Variants in EPHA3 observed in about 807,000 individuals in gnomAD.
EPHA3 encodes the protein EPH receptor A3.
In EPHA3, 42 loss-of-function variants were observed where a neutral mutation model predicts 107.1. That is an observed-to-expected ratio of 0.39 (90% CI 0.31 to 0.51). The LOEUF is 0.51. EPHA3 is among the 20% of genes least tolerant of loss of function. The pLI is 0.78. For missense variants in EPHA3, 1,183 were observed against 1,211.2 expected (o/e 0.98, Z 0.35); for synonymous variants, 461 against 424.8 (o/e 1.09, Z -1.05).
chr3:89,304,509 C>T (rs549763721), intron 3 of EPHA3, among the ~76,000 whole-genome samples: 9 of 151,874 alleles, frequency 5.9e-5, no homozygotes, highest in Non-Finnish European at 1.3e-4. Context: ...CAAATATATC[C>T]TCACCTTTGG....
At chr3:89,206,573 CA>C (rs1706111492) in intron 2 of EPHA3, among the ~76,000 whole-genome samples, 1 of 152,040 alleles carries the variant, frequency 6.6e-6, no homozygotes, top group South Asian at 2.1e-4. Flanking sequence ...ATTGTAGAAC[CA>C]AGGTAATGTT....
chr3:89,392,807 G>T (rs1708772105), intron 5 of EPHA3, among the ~76,000 whole-genome samples: 1 of 151,842 alleles, frequency 6.6e-6, no homozygotes, highest in Non-Finnish European at 1.5e-5. Context: ...TTAATGAAAA[G>T]CATAATTTGT....
At chr3:89,455,826 A>G (rs1475958363) in intron 15 of EPHA3, among the ~76,000 whole-genome samples, 1 of 152,220 alleles carries the variant, frequency 6.6e-6, no homozygotes, top group African/African-American at 2.4e-5. Context: ...CACCAGTGAA[A>G]TAAAGTTTAA....
intron 3 of EPHA3, among the ~76,000 whole-genome samples, chr3:89,260,751 A>G (rs1401299375): frequency 1.3e-5 from 2 of 152,142 alleles, no homozygotes; most frequent in Non-Finnish European, 2.9e-5. Flanking sequence ...AGCTTGCTCT[A>G]TTGACAGAAC....
intron 5 of EPHA3, among the ~76,000 whole-genome samples, chr3:89,356,233 T>C (rs1350239894): frequency 1.3e-5 from 2 of 150,926 alleles, no homozygotes; most frequent in Non-Finnish European, 3.0e-5. Context: ...TAGTCTATCA[T>C]TGTTGGACAT....
At chr3:89,468,539 T>C (rs1284822595) in intron 15 of EPHA3, among the ~76,000 whole-genome samples, 1 of 152,148 alleles carries the variant, frequency 6.6e-6, no homozygotes, top group East Asian at 1.9e-4. Context: ...AATAAAAAAG[T>C]ATTACTATTC....
In EPHA3 at chr3:89,413,137, A is replaced by T. The variant is rs1433189232; in HGVS notation, c.1763-4A>T. 6.2e-7 allele frequency: 1 copy of T among 1,610,516 alleles called. No homozygotes were observed. The highest frequency in any genetic ancestry group is 8.5e-7 in the Non-Finnish European group (1 of 1,177,772). On this transcript the variant is annotated splice_region_variant and splice_polypyrimidine_tract_variant and intron_variant, in intron 9 of 16. Coordinates refer to ENST00000336596, the MANE Select transcript of EPHA3 (RefSeq NM_005233.6). Reference sequence around the variant, plus strand: ...ATTGCGCCTTTCTTTCTTTCCTCAAACAGTAAAACTTCCAGGTCTCAGGAC... The same window carrying T: ...ATTGCGCCTTTCTTTCTTTCCTCAATCAGTAAAACTTCCAGGTCTCAGGAC...
At chr3:89,235,423 A>G (rs1704736458) in intron 3 of EPHA3, among the ~76,000 whole-genome samples, 1 of 152,160 alleles carries the variant, frequency 6.6e-6, no homozygotes, top group South Asian at 2.1e-4. Context: ...CCATGTGCCA[A>G]TTCTTTACTT....
chr3:89,356,210 C>T (rs986550340), intron 5 of EPHA3, among the ~76,000 whole-genome samples: 7 of 150,822 alleles, frequency 4.6e-5, no homozygotes, highest in Admixed American at 2.0e-4. Context: ...ATATGTGCCA[C>T]ATTTTCTTAA....
intron 5 of EPHA3, among the ~76,000 whole-genome samples, chr3:89,358,695 T>C (rs141975462): frequency 6.6e-6 from 1 of 151,194 alleles, no homozygotes; most frequent in African/African-American, 2.4e-5. Flanking sequence ...TTATATGACA[T>C]TAAGTATAAT....
rs768941729 is a variant in EPHA3, at chr3:89,407,301, G to C, written c.1627G>C (p.Val543Leu). ...CATCTCTGGTGAAAGTAGCCAAGTGGTCATGATCGCCATTTCAGCGGCAGT... is the reference window on the plus strand; with the variant it reads ...CATCTCTGGTGAAAGTAGCCAAGTGCTCATGATCGCCATTTCAGCGGCAGT... ...FSISGESSQV[V>L]MIAISAAVAI... Residue 543 changes from valine (V) to leucine (L), a missense_variant, in exon 8 of 17, where the codon GTC becomes CTC. Val to Leu is a conservative substitution (Grantham distance 32). Coordinates refer to ENST00000336596, the MANE Select transcript of EPHA3 (RefSeq NM_005233.6). 6.2e-7 allele frequency: 1 copy of C among 1,613,520 alleles called. No individual in the cohort carries two copies. The highest frequency in any genetic ancestry group is 2.2e-5 in the East Asian group (1 of 44,842).
intron 5 of EPHA3, among the ~76,000 whole-genome samples, chr3:89,356,886 G>A (rs1019250498): frequency 1.3e-5 from 2 of 150,052 alleles, no homozygotes; most frequent in African/African-American, 4.9e-5. Flanking sequence ...GGGCAGATCA[G>A]GAAGTCAGGA....
At chr3:89,352,902 C>CAAAAA (rs1215369952) in intron 5 of EPHA3, among the ~76,000 whole-genome samples, 7 of 41,022 alleles carry the variant, frequency 1.7e-4, no homozygotes, top group African/African-American at 6.9e-4. Context: ...GACTCTGTCT[C>CAAAAA]AAAAAAAAAA....
chr3:89,333,727 G>A (rs1377010295), intron 3 of EPHA3, among the ~76,000 whole-genome samples: 3 of 151,938 alleles, frequency 2.0e-5, no homozygotes, highest in East Asian at 1.9e-4. Flanking sequence ...ACAAAAATTA[G>A]TTGGTGTGGT....
At chr3:89,472,681 TGAAAG>T (rs369749467) in intron 16 of EPHA3, 62 bp downstream of exon 16, 368,267 of 1,529,580 alleles carry the variant, frequency 0.24, 47,990 homozygotes, top group African/African-American at 0.36. Flanking sequence ...TGGCTTGACA[TGAAAG>T]ATTTGTAACA....
At chr3:89,457,060 T>C (rs947892909) in intron 15 of EPHA3, among the ~76,000 whole-genome samples, 6 of 152,180 alleles carry the variant, frequency 3.9e-5, no homozygotes, top group Non-Finnish European at 7.3e-5. Flanking sequence ...AGTTTACTTT[T>C]ATATTTGGAG....
chr3:89,118,774 A>T (rs113323204), intron 1 of EPHA3, among the ~76,000 whole-genome samples: 2,854 of 152,076 alleles, frequency 0.019, 55 homozygotes, highest in Admixed American at 0.043. Flanking sequence ...TTTGAAAAAA[A>T]ATATCTGCTA....
intron 5 of EPHA3, among the ~76,000 whole-genome samples, chr3:89,384,657 A>G (rs1708580670): frequency 6.6e-6 from 1 of 152,218 alleles, no homozygotes; most frequent in Non-Finnish European, 1.5e-5. Context: ...TGTTTCAGGT[A>G]CAATTGATGA....
intron 3 of EPHA3, among the ~76,000 whole-genome samples, chr3:89,274,137 GT>G (rs1705748131): frequency 6.6e-6 from 1 of 151,760 alleles, no homozygotes; most frequent in African/African-American, 2.4e-5. Flanking sequence ...TCACAAATAA[GT>G]TTTAGCAAAT....
Sources: allele counts gnomAD v4.1 joint callset (sites outside exome capture counted in the v4.1 genomes callset), GRCh38; gene constraint gnomAD v4.1.1; transcripts MANE v1.5; gene names NCBI Gene and HGNC (gene_info 2026-07-23, HGNC 2026-07-21).